Variants in KIF21B observed in about 807,000 individuals in gnomAD.
The protein encoded by KIF21B is kinesin-like protein KIF21B.
In KIF21B, 85 loss-of-function variants were observed where a neutral mutation model predicts 192.9. The observed-to-expected ratio is 0.44, with a 90% CI of 0.37 to 0.53. The LOEUF (loss-of-function observed/expected upper bound fraction) is 0.53. Among genes scored for constraint, KIF21B ranks in the 20% least tolerant of loss-of-function variants. KIF21B has a pLI of 0.00. For missense variants in KIF21B, 1,716 were observed against 2,194.8 expected (o/e 0.78, Z 4.36); for synonymous variants, 832 against 884.6 (o/e 0.94, Z 1.05).
rs1655180099 is a variant in KIF21B, at chr1:200,970,946, G to A, written c.*2575C>T. The A allele has an allele frequency of 6.5e-6, 1 of 152,752 alleles. No individual in the cohort carries two copies. Among genetic ancestry groups the A allele is most frequent in the South Asian group, 2.1e-4 (1 of 4,838 alleles). The allele number at this position is 152,752 out of a possible 1,614,324, so 9.5% of individuals were successfully genotyped here. ...CAAGCCATGAGCCAAGGCCTGGTCT[G>A]AGCAAGGGCAGCCCCCTGTCCCAGA... On this transcript the variant is annotated 3_prime_UTR_variant, in exon 35 of 35. Transcript: ENST00000461742.
chr1:200,985,227 T>C (rs1181276214), intron 26 of KIF21B, among the ~76,000 whole-genome samples: 1 of 152,146 alleles, frequency 6.6e-6, no homozygotes, highest in African/African-American at 2.4e-5. Context: ...GTGGCTCACA[T>C]CTGTAATCTC....
intron 29 of KIF21B, among the ~76,000 whole-genome samples, chr1:200,980,698 G>A (rs1328321496): frequency 6.6e-6 from 1 of 152,244 alleles, no homozygotes; most frequent in East Asian, 1.9e-4. Flanking sequence ...CACCCAAGAA[G>A]CTTCCTGAAG....
chr1:200,973,659 A>T, intron 34 of KIF21B, 81 bp from the exon 35 acceptor site: 7 of 1,511,248 alleles, frequency 4.6e-6, no homozygotes, highest in Non-Finnish European at 6.1e-6. Flanking sequence ...GTAGAGGATG[A>T]ACTGGATTCC....
rs571295647 is a variant in KIF21B at position 200,982,930 on chromosome 1, G to T, written c.3842+126C>A. Reference sequence around the variant, plus strand: ...GGTCTGGAGAGGGGGGCAGCAGGAAGGGGAGTGGAGGGGCCGCATGCTGAG... The same window carrying T: ...GGTCTGGAGAGGGGGGCAGCAGGAATGGGAGTGGAGGGGCCGCATGCTGAG... On this transcript the variant is annotated intron_variant, in intron 28 of 34. Transcript: ENST00000461742. This position sits in a 1 kb window ranked among gnomAD's most constrained non-coding sequence, Gnocchi z 4.7. 2.5e-6 allele frequency: 2 copies of T among 809,174 alleles called. No homozygotes were observed. The allele number at this position is 809,174 out of a possible 1,614,324, so 50.1% of individuals were successfully genotyped here.
At position 200,990,665 on chromosome 1, in the gene KIF21B, A is replaced by G. The variant is rs1182517364; in HGVS notation, c.2746T>C (p.Trp916Arg). 1 of 1,614,126 alleles carries G rather than the reference A, an allele frequency of 6.2e-7. No individual in the cohort carries two copies. The highest frequency in any genetic ancestry group is 8.5e-7 in the Non-Finnish European group (1 of 1,179,988). ...QSFSKAARLK[W>R]QSLERRIIDI... ...ATGATCCGTCGCTCCAGGGACTGCC[A>G]CTTGAGCCTTGCCGCCTTACTGAAG... is the stretch of plus-strand genomic sequence containing the variant. The change falls in exon 19 of 35, where the codon TGG (tryptophan) becomes CGG (arginine). Residue 916 changes from tryptophan (W) to arginine (R), a missense_variant. By Grantham distance (101) the Trp-to-Arg change is moderately radical (BLOSUM62 -3). This residue lies in a region of KIF21B where 1,087 missense variants were observed against 1,316.6 expected (regional missense o/e 0.83). Coordinates refer to ENST00000461742, the MANE Select transcript of KIF21B (RefSeq NM_001252102.2). The surrounding 1 kb of genome is among the most constrained non-coding windows in gnomAD (Gnocchi z 5.4).
intron 14 of KIF21B, among the ~76,000 whole-genome samples, chr1:200,996,990 G>A (rs933262411): frequency 7.2e-5 from 11 of 152,110 alleles, no homozygotes; most frequent in African/African-American, 2.2e-4. Flanking sequence ...CTCCCAGCAA[G>A]CAATCAACAA....
chr1:201,006,696 A>G (rs1328031920), intron 3 of KIF21B, among the ~76,000 whole-genome samples: 1 of 152,112 alleles, frequency 6.6e-6, no homozygotes, highest in East Asian at 1.9e-4. Context: ...GGGCTTCTCC[A>G]TGGCAACAGG....
intron 31 of KIF21B, 139 bp downstream of exon 31, chr1:200,977,073 G>A (rs1416472911): frequency 2.7e-6 from 3 of 1,103,158 alleles, no homozygotes; most frequent in Non-Finnish European, 3.9e-6. Flanking sequence ...CACTGGAGAG[G>A]GCACAGGCCC....
chr1:201,008,695 G>A, intron 3 of KIF21B, 74 bp downstream of exon 3: 1 of 1,383,758 alleles, frequency 7.2e-7, no homozygotes. Context: ...CCACTGCACT[G>A]GAGGAAGGCC....
intron 1 of KIF21B, among the ~76,000 whole-genome samples, chr1:201,014,907 T>G (rs1267335514): frequency 6.6e-6 from 1 of 152,232 alleles, no homozygotes; most frequent in Non-Finnish European, 1.5e-5. Context: ...TGGTGCATGA[T>G]CTGTGATTCC....
Position 200,976,834 on chromosome 1 carries a change from G to A in KIF21B, c.4385C>T (p.Thr1462Ile), listed in dbSNP as rs781009610. Residue 1462 changes from threonine (T) to isoleucine (I), a missense_variant, in exon 32 of 35, where the codon ACC becomes ATC. Thr to Ile is a moderately conservative substitution (Grantham distance 89). Coordinates refer to ENST00000461742, the MANE Select transcript of KIF21B (RefSeq NM_001252102.2). Reference protein sequence around the residue: ...HIGPVMCLTVTQTASQHDLVV... With the variant: ...HIGPVMCLTVIQTASQHDLVV... ...GAGGTCATGCTGGCTGGCCGTCTGG[G>A]TGACCGTCAGGCACATCACAGGGCC... 13 of 1,613,794 alleles carry A rather than the reference G, an allele frequency of 8.1e-6. No homozygotes were observed. In the Middle Eastern group the frequency reaches 1.5e-3, roughly 185 times the overall value.
chr1:201,014,747 A>C (rs1046757540), intron 1 of KIF21B, among the ~76,000 whole-genome samples: 2 of 152,170 alleles, frequency 1.3e-5, no homozygotes, highest in African/African-American at 4.8e-5. Context: ...CTTAGTTCCT[A>C]ACTAAGCTGC....
chr1:201,005,557 G>A lies in KIF21B; in HGVS notation c.585C>T (p.His195=). Residue 195 remains histidine, a synonymous_variant, in exon 4 of 35, where the codon CAC becomes CAT. Coordinates refer to ENST00000461742, the MANE Select transcript of KIF21B (RefSeq NM_001252102.2). ...AGCAGAGGCTCACCTCCTCCTGGGAGTGGATGAGGCGAGAAGTGACGCCAG... is the reference window on the plus strand; with the variant it reads ...AGCAGAGGCTCACCTCCTCCTGGGAATGGATGAGGCGAGAAGTGACGCCAG... ...YTTGVTSRLI[H]SQEELIQCLK... is the part of the protein sequence containing the mutation. 6.2e-7 allele frequency: 1 copy of A among 1,613,636 alleles called. No individual in the cohort carries two copies. Among genetic ancestry groups the A allele is most frequent in the Admixed American group, 1.7e-5 (1 of 59,982 alleles).
chr1:201,011,414 C>G (rs1036259742), intron 1 of KIF21B, among the ~76,000 whole-genome samples: 1 of 152,248 alleles, frequency 6.6e-6, no homozygotes, highest in African/African-American at 2.4e-5. Flanking sequence ...CAGCCAGAGT[C>G]ACAGGTCACA....
intron 17 of KIF21B, 69 bp from the exon 18 acceptor site, chr1:200,991,218 G>T: frequency 1.5e-6 from 2 of 1,307,360 alleles, no homozygotes; most frequent in Non-Finnish European, 2.2e-6. Context: ...AAGGGCCCAG[G>T]TTGGGGTGCC....
At chr1:200,993,779 AAG>A (rs1553239614) in intron 15 of KIF21B, among the ~76,000 whole-genome samples, 1 of 149,264 alleles carries the variant, frequency 6.7e-6, no homozygotes, top group African/African-American at 2.5e-5. Flanking sequence ...AAAAAAAAAA[AAG>A]AGAGAGAAAG....
chr1:200,999,963 G>T lies in KIF21B; in HGVS notation c.1687C>A (p.Pro563Thr). 6 of 1,613,748 alleles carry T rather than the reference G, an allele frequency of 3.7e-6. No homozygotes were observed. Among genetic ancestry groups the T allele is most frequent in the Non-Finnish European group, 5.1e-6 (6 of 1,179,970 alleles). ...KKEVRQRRKS[P>T]EKEAFKKRAK... ...CTCTTTTTGAAGGCTTCCTTCTCGG[G>T]GCTGCTCAGGGAGGACAGGGAAGCT... The change falls in exon 12 of 35, where the codon CCC becomes ACC. Residue 563 changes from proline (P) to threonine (T), a missense_variant and splice_region_variant. Transcript: ENST00000461742. The surrounding 1 kb of genome is among the most constrained non-coding windows in gnomAD (Gnocchi z 4.7).
At chr1:201,010,409 T>C (rs1275203894) in intron 1 of KIF21B, among the ~76,000 whole-genome samples, 5 of 152,006 alleles carry the variant, frequency 3.3e-5, no homozygotes, top group East Asian at 1.9e-4. Flanking sequence ...AAGCCAGCCA[T>C]GGACACAACT....
intron 15 of KIF21B, 92 bp from the exon 16 acceptor site, chr1:200,992,481 C>CA (rs1656768000): frequency 7.6e-7 from 1 of 1,322,498 alleles, no homozygotes; most frequent in Non-Finnish European, 1.1e-6. Context: ...GGGCATGGGG[C>CA]AGGGATAGTG....
Sources: allele counts gnomAD v4.1 joint callset (sites outside exome capture counted in the v4.1 genomes callset), GRCh38; gene constraint gnomAD v4.1.1; regional missense constraint gnomAD v4.1.1; non-coding constraint Gnocchi (gnomAD v3.1); transcripts MANE v1.5; gene names NCBI Gene and HGNC (gene_info 2026-07-23, HGNC 2026-07-21).